CHD2: variants seen among roughly 807,000 people sequenced by gnomAD.
The protein encoded by CHD2 is ATP-dependent chromatin remodeler CHD2.
CHD2 carries 28 observed loss-of-function variants against 243.9 expected under a neutral mutation model. The ratio of observed to expected loss-of-function variants is 0.11; its 90% CI spans 0.09 to 0.16. The LOEUF (loss-of-function observed/expected upper bound fraction) is 0.16, where lower values mean the gene tolerates loss of function less well. Among genes scored for constraint, CHD2 ranks in the 10% least tolerant of loss-of-function variants. The probability of loss-of-function intolerance (pLI) is 1.00; values close to 1 mark genes in which losing one functional copy is unlikely to be tolerated. For missense variants in CHD2, 1,386 were observed against 2,209.8 expected (o/e 0.63, Z 7.47); for synonymous variants, 775 against 779.0 (o/e 0.99, Z 0.09).
intron 38 of CHD2, among the ~76,000 whole-genome samples, chr15:93,024,044 C>T (rs546842852): frequency 6.6e-6 from 1 of 152,002 alleles, no homozygotes; most frequent in Non-Finnish European, 1.5e-5. Flanking sequence ...AAAATAATTT[C>T]TGTGGCTCTT....
intron 19 of CHD2, 168 bp from the exon 20 acceptor site, chr15:92,974,711 G>C: frequency 1.8e-6 from 1 of 570,416 alleles, no homozygotes; most frequent in South Asian, 2.0e-5. Context: ...AGGTCGAGTA[G>C]GGTAGGGTGT....
chr15:92,927,575 A>G (rs1225320200), intron 4 of CHD2, among the ~76,000 whole-genome samples: 1 of 152,198 alleles, frequency 6.6e-6, no homozygotes, highest in Non-Finnish European at 1.5e-5. Flanking sequence ...ACTGACCTCA[A>G]AATGGTTTAT....
In CHD2 at chr15:92,944,350, C is replaced by T. The variant is rs1299852149; in HGVS notation, c.1053-65C>T. The T allele has an allele frequency of 8.3e-5, 71 of 854,824 alleles. No homozygotes were observed. The East Asian group carries it at 1.7e-3, about 21-fold the overall frequency. The allele number at this position is 854,824 out of a possible 1,614,324, so 53.0% of individuals were successfully genotyped here. On this transcript the variant is annotated intron_variant, in intron 9 of 38. Transcript: ENST00000394196. ...TTTTCTTTTCCACCTTTGACTTTTGCTTTGATGTATGTGGATCCCCAGACT... is the reference window on the plus strand; with the variant it reads ...TTTTCTTTTCCACCTTTGACTTTTGTTTTGATGTATGTGGATCCCCAGACT...
intron 5 of CHD2, among the ~76,000 whole-genome samples, chr15:92,932,289 C>CT (rs34925592): frequency 0.21 from 29,415 of 139,798 alleles, 3,763 homozygotes; most frequent in Middle Eastern, 0.31. Context: ...AGTTGCACAT[C>CT]TTTTTTTTTT....
rs746047260 is a variant in CHD2, at chr15:93,025,951, A to C, written c.*1246A>C. On this transcript the variant is annotated 3_prime_UTR_variant, in exon 39 of 39. Transcript: ENST00000394196. ...TTGAATTCAGTTTCTCTTAGAATAT[A>C]ATCAGGTATAAACCTAAGTTAAACT... 1 of 152,578 alleles carries C rather than the reference A, an allele frequency of 6.6e-6. No individual in the cohort carries two copies. The highest frequency in any genetic ancestry group is 1.9e-4 in the East Asian group (1 of 5,198). 9.5% of individuals were successfully genotyped at this position (152,578 alleles called of 1,614,324 possible). A position where few individuals can be genotyped will look rare whatever the true frequency, so the allele number is the denominator to read the frequency against.
At chr15:92,933,810 T>C (rs2053219083) in intron 5 of CHD2, among the ~76,000 whole-genome samples, 1 of 152,188 alleles carries the variant, frequency 6.6e-6, no homozygotes, top group Admixed American at 6.5e-5. Flanking sequence ...CTCACTCTGA[T>C]GCCCAGGCTG....
intron 35 of CHD2, among the ~76,000 whole-genome samples, chr15:93,011,073 C>CTT (rs935812783): frequency 6.8e-6 from 1 of 146,028 alleles, no homozygotes; most frequent in Non-Finnish European, 1.5e-5. Context: ...GGCATCTGGC[C>CTT]TTTTTTTTTT....
intron 37 of CHD2, 134 bp from the exon 38 acceptor site, chr15:93,019,878 A>G (rs1267122190): frequency 1.5e-5 from 16 of 1,053,606 alleles, no homozygotes; most frequent in Middle Eastern, 5.5e-4. Flanking sequence ...GATTGCAGTG[A>G]TCTAAGATCG....
intron 24 of CHD2, among the ~76,000 whole-genome samples, chr15:92,983,587 G>A (rs1424592251): frequency 1.3e-5 from 2 of 152,206 alleles, no homozygotes; most frequent in African/African-American, 4.8e-5. Context: ...CCACTGCTCA[G>A]ATGCTGTCCA....
At chr15:92,930,340 C>T (rs963316518) in intron 5 of CHD2, among the ~76,000 whole-genome samples, 7 of 152,040 alleles carry the variant, frequency 4.6e-5, no homozygotes, top group African/African-American at 1.7e-4. Flanking sequence ...TTTTAATGGC[C>T]TTATTTGTGT....
intron 3 of CHD2, 65 bp downstream of exon 3, chr15:92,924,617 G>C (rs755134379): frequency 1.3e-5 from 19 of 1,422,386 alleles, no homozygotes; most frequent in Non-Finnish European, 1.8e-5. Context: ...GACCTTTGTT[G>C]TTCATGAAAA....
intron 27 of CHD2, 49 bp from the exon 28 acceptor site, chr15:92,992,806 TAAGA>T: frequency 6.3e-7 from 1 of 1,599,740 alleles, no homozygotes; most frequent in Non-Finnish European, 8.5e-7. Flanking sequence ...TCATGACACT[TAAGA>T]AGAGTGGGCA....
intron 2 of CHD2, among the ~76,000 whole-genome samples, chr15:92,923,975 G>C (rs1029814802): frequency 2.6e-5 from 4 of 152,102 alleles, no homozygotes; most frequent in African/African-American, 9.7e-5. Flanking sequence ...ATCTTACTGT[G>C]TTAACTAGGT....
chr15:92,905,572 ATATT>A (rs2052605634), intron 2 of CHD2, among the ~76,000 whole-genome samples: 1 of 152,152 alleles, frequency 6.6e-6, no homozygotes. Context: ...AGTGCAGGTG[ATATT>A]TGCTTGGGCG....
intron 33 of CHD2, among the ~76,000 whole-genome samples, chr15:93,002,660 C>T (rs2054272457): frequency 6.6e-6 from 1 of 152,182 alleles, no homozygotes; most frequent in Admixed American, 6.5e-5. Context: ...GCACAATCCA[C>T]AACTGAATTT....
At chr15:92,974,725 T>C in intron 19 of CHD2, 154 bp from the exon 20 acceptor site, 1 of 618,066 alleles carries the variant, frequency 1.6e-6, no homozygotes, top group South Asian at 1.9e-5. Flanking sequence ...AGGGTGTGCT[T>C]CTTAAGCACA....
intron 2 of CHD2, chr15:92,904,542 C>T (rs2052583705): frequency 1.0e-5 from 10 of 1,001,824 alleles, no homozygotes; most frequent in Non-Finnish European, 1.2e-5. Flanking sequence ...GGCTTCTTTC[C>T]TGGACGCGTT....
intron 35 of CHD2, among the ~76,000 whole-genome samples, chr15:93,010,274 T>A (rs2054374114): frequency 6.6e-6 from 1 of 152,194 alleles, no homozygotes. Context: ...TTGCAGATTA[T>A]GCTGCTATAA....
intron 14 of CHD2, chr15:92,953,842 T>C (rs2053583888): frequency 5.0e-6 from 2 of 398,508 alleles, no homozygotes; most frequent in South Asian, 3.3e-5. Context: ...CTCTCTGCCC[T>C]TTTTACTTCT....
Sources: gnomAD v4.1 joint callset for allele counts (sites outside exome capture counted in the v4.1 genomes callset) on GRCh38, gnomAD v4.1.1 for gene constraint, MANE v1.5 for transcripts, NCBI Gene and HGNC (gene_info 2026-07-23, HGNC 2026-07-21) for gene names.